Variants in KRI1 observed in about 807,000 individuals in gnomAD.
KRI1 encodes protein KRI1 homolog.
KRI1 carries 83 observed loss-of-function variants against 97.0 expected under a neutral mutation model. That is an observed-to-expected ratio of 0.86 (90% confidence interval 0.72 to 1.03). KRI1 has a LOEUF of 1.03. Among genes scored for constraint, KRI1 ranks in the 50% least tolerant of loss-of-function variants. The probability of loss-of-function intolerance (pLI) is 0.00; values close to 1 mark genes in which losing one functional copy is unlikely to be tolerated. For missense variants in KRI1, 916 were observed against 928.4 expected (o/e 0.99, Z 0.17); for synonymous variants, 371 against 363.5 (o/e 1.02, Z -0.23).
intron 16 of KRI1, 44 bp from the exon 17 acceptor site, chr19:10,555,393 G>C: frequency 1.9e-6 from 3 of 1,604,560 alleles, no homozygotes; most frequent in Non-Finnish European, 2.6e-6. Context: ...ATATTGCCCA[G>C]GCGGGGCCTT....
chr19:10,557,940 C>T, intron 14 of KRI1, 32 bp downstream of exon 14: 1 of 1,613,864 alleles, frequency 6.2e-7, no homozygotes. Flanking sequence ...CCCGTCAGGG[C>T]CCCTGGGACT....
At chr19:10,564,569 T>C (rs968809061) in intron 3 of KRI1, among the ~76,000 whole-genome samples, 3 of 152,100 alleles carry the variant, frequency 2.0e-5, no homozygotes, top group African/African-American at 7.2e-5. Flanking sequence ...TGGGATTAGA[T>C]GCTTGAACCA....
intron 2 of KRI1, 195 bp from the exon 3 acceptor site, chr19:10,565,229 G>A: frequency 1.6e-6 from 1 of 608,252 alleles, no homozygotes; most frequent in Admixed American, 3.0e-5. Flanking sequence ...GTAGGTACAG[G>A]ATATGGGTAG....
At chr19:10,562,297 G>A (rs1051895105) in intron 4 of KRI1, among the ~76,000 whole-genome samples, 8 of 151,936 alleles carry the variant, frequency 5.3e-5, no homozygotes, top group African/African-American at 9.7e-5. Context: ...TGATCTGCCC[G>A]CCTCAGCCTC....
intron 3 of KRI1, among the ~76,000 whole-genome samples, chr19:10,564,330 C>T (rs1045252685): frequency 3.3e-5 from 5 of 151,556 alleles, no homozygotes; most frequent in Non-Finnish European, 7.4e-5. Flanking sequence ...CGTGGTGGCG[C>T]GTGCCTGTAA....
chr19:10,562,904 A>C, intron 3 of KRI1, 67 bp from the exon 4 acceptor site: 1 of 983,284 alleles, frequency 1.0e-6, no homozygotes, highest in Admixed American at 1.7e-5. Flanking sequence ...AGAGAATCCC[A>C]CAGGGCAGGG....
Position 10,561,684 on chromosome 19 carries a change from C to T in KRI1, c.471G>A (p.Gln157=). 1.2e-6 allele frequency: 2 copies of T among 1,613,972 alleles called. No individual in the cohort carries two copies. The highest frequency in any genetic ancestry group is 1.7e-6 in the Non-Finnish European group (2 of 1,179,924). ...AGCCTCACCTTTCCTTGAGCTGTTT[C>T]TGTTCCTCCACATAACTTTGCGACG... The part of the protein sequence containing the change: ...ETSSQSYVEE[Q]KQLKESFRAF... Residue 157 remains glutamine, a synonymous_variant, in exon 6 of 19, where the codon CAG becomes CAA. Transcript: ENST00000312962.
intron 3 of KRI1, among the ~76,000 whole-genome samples, chr19:10,563,213 G>A (rs974998559): frequency 6.6e-6 from 1 of 151,566 alleles, no homozygotes; most frequent in Non-Finnish European, 1.5e-5. Context: ...CCACCACCGC[G>A]CCCGGCTAAT....
chr19:10,561,701 T>A lies in KRI1; in HGVS notation c.454A>T (p.Ser152Cys). 2 of 1,613,904 alleles carry A rather than the reference T, an allele frequency of 1.2e-6. No individual in the cohort carries two copies. Among genetic ancestry groups the A allele is most frequent in the Non-Finnish European group, 1.7e-6 (2 of 1,179,966 alleles). The part of the protein sequence containing the change: ...NHRLQETSSQ[S>C]YVEEQKQLKE... ...AGCTGTTTCTGTTCCTCCACATAAC[T>A]TTGCGACGATGTCTCCTGCAGAGAG... Residue 152 changes from serine to cysteine, a missense_variant, in exon 6 of 19, where the codon AGT (serine) becomes TGT (cysteine). Coordinates refer to ENST00000312962, the MANE Select transcript of KRI1 (RefSeq NM_023008.5).
chr19:10,553,906 T>C lies in KRI1; in HGVS notation c.*45A>G. ...GTGGGTGCGAGACCTGTCCAGGGCT[T>C]GATTTGAGGAGAGGAGCCTGAGGCC... On this transcript the variant is annotated 3_prime_UTR_variant, in exon 19 of 19. Coordinates refer to ENST00000312962, the MANE Select transcript of KRI1 (RefSeq NM_023008.5). 2.1e-6 allele frequency: 3 copies of C among 1,459,730 alleles called. No individual in the cohort carries two copies. The highest frequency in any genetic ancestry group is 2.4e-5 in the East Asian group (1 of 41,798). 90.4% of individuals were successfully genotyped at this position (1,459,730 alleles called of 1,614,324 possible).
chr19:10,560,310 A>G lies in KRI1; in HGVS notation c.800+2T>C. The G allele has an allele frequency of 6.2e-7, 1 of 1,601,144 alleles. No individual in the cohort carries two copies. On this transcript the variant is annotated splice_donor_variant, in intron 9 of 18. Coordinates refer to ENST00000312962, the MANE Select transcript of KRI1 (RefSeq NM_023008.5). LOFTEE classifies it high-confidence loss of function. ...AGGTCCTGGGGAGATGCAGTGGCTCACCCCTCCTCTTCCTCCATTTCCTCT... is the reference window on the plus strand; with the variant it reads ...AGGTCCTGGGGAGATGCAGTGGCTCGCCCCTCCTCTTCCTCCATTTCCTCT...
Position 10,557,642 on chromosome 19 carries a change from C to A in KRI1, c.1527G>T (p.Arg509=), listed in dbSNP as rs1363160225. The A allele has an allele frequency of 5.6e-6, 9 of 1,614,178 alleles. No homozygotes were observed. In the South Asian group the frequency reaches 7.7e-5, roughly 14 times the overall value. The change falls in exon 16 of 19, where the codon CGG becomes CGT. Residue 509 remains arginine (R), a synonymous_variant. Transcript: ENST00000312962. ...CGTCGATGATGTCCTCGTAGTCCAGCCGGTAATACTCATCCAGGTACTCCT... is the reference window on the plus strand; with the variant it reads ...CGTCGATGATGTCCTCGTAGTCCAGACGGTAATACTCATCCAGGTACTCCT... ...TFEEYLDEYY[R]LDYEDIIDDL...
Position 10,559,363 on chromosome 19 carries a change from A to G in KRI1, c.1190T>C (p.Met397Thr), listed in dbSNP as rs768485618. ...GGGCCGGGATGAGGGCCGCACCTGC[A>G]TGAGCTGGTCGTGCTGGGCAGGGTC... ...DFDPAQHDQL[M>T]QKCFGDEYYG... is the part of the protein sequence containing the mutation. Residue 397 changes from methionine (M) to threonine (T), a missense_variant, in exon 12 of 19, where the codon ATG becomes ACG. Around this residue, in one of 3 missense-constraint regions of KRI1, gnomAD observed 672 missense variants for 667.2 expected, o/e 1.01. Coordinates refer to ENST00000312962, the MANE Select transcript of KRI1 (RefSeq NM_023008.5). 1.9e-6 allele frequency: 3 copies of G among 1,613,694 alleles called. No individual in the cohort carries two copies. The highest frequency in any genetic ancestry group is 1.1e-5 in the South Asian group (1 of 91,076).
rs747533021 is a variant in KRI1, at chr19:10,555,278, C to G, written c.1682+7G>C. The G allele has an allele frequency of 3.7e-6, 6 of 1,614,022 alleles. No individual in the cohort carries two copies. Among genetic ancestry groups the G allele is most frequent in the Non-Finnish European group, 5.1e-6 (6 of 1,179,890 alleles). ...GCATGTGGCCCCGCCGCGCCCCGCC[C>G]CATCACCTGTACATGCAGGTCTTCT... On this transcript the variant is annotated splice_region_variant and intron_variant, in intron 17 of 18. Coordinates refer to ENST00000312962, the MANE Select transcript of KRI1 (RefSeq NM_023008.5).
At chr19:10,557,730 G>GCC (rs746906360) in intron 15 of KRI1, 39 bp downstream of exon 15, 13 of 1,613,976 alleles carry the variant, frequency 8.1e-6, no homozygotes, top group Non-Finnish European at 1.1e-5. Flanking sequence ...GCCCCGCGGT[G>GCC]CCCCCTGCCT....
intron 2 of KRI1, 146 bp from the exon 3 acceptor site, chr19:10,565,180 G>A (rs1245281483): frequency 3.0e-6 from 2 of 669,356 alleles, no homozygotes; most frequent in East Asian, 5.4e-5. Flanking sequence ...CAGCAGGAGG[G>A]AGAGGGGCCC....
chr19:10,560,772 C>T (rs997293907), intron 8 of KRI1, among the ~76,000 whole-genome samples: 3 of 152,134 alleles, frequency 2.0e-5, no homozygotes, highest in Non-Finnish European at 2.9e-5. Context: ...CTATGTTGCC[C>T]AGGCCAGTCT....
At position 10,565,769 on chromosome 19, in the gene KRI1, C is replaced by T. The variant is rs1359870367; in HGVS notation, c.116G>A (p.Arg39Gln). The stretch of plus-strand genomic sequence containing the variant: ...GGAGCTGGAGTCGCTGCTGCTGTCT[C>T]GGTCCCCGTAGCGATCCTTCACTGC... ...LQRLKDRYGD[R>Q]DSSSDSSSES... Residue 39 changes from arginine to glutamine, a missense_variant, in exon 2 of 19, where the codon CGA becomes CAA. Coordinates refer to ENST00000312962, the MANE Select transcript of KRI1 (RefSeq NM_023008.5). The T allele has an allele frequency of 1.3e-6, 2 of 1,579,208 alleles. No homozygotes were observed. Among genetic ancestry groups the T allele is most frequent in the Non-Finnish European group, 1.7e-6 (2 of 1,163,200 alleles).
intron 16 of KRI1, among the ~76,000 whole-genome samples, chr19:10,555,962 A>G (rs1916491202): frequency 6.6e-6 from 1 of 151,988 alleles, no homozygotes; most frequent in South Asian, 2.1e-4. Context: ...TTATTGTCTC[A>G]CTTTACAGAT....
Sources: gnomAD v4.1 joint callset for allele counts (sites outside exome capture counted in the v4.1 genomes callset) on GRCh38, gnomAD v4.1.1 for gene constraint, gnomAD v4.1.1 regional missense constraint, MANE v1.5 for transcripts, NCBI Gene and HGNC (gene_info 2026-07-23, HGNC 2026-07-21) for gene names.